FBXL18: variants seen among roughly 807,000 people sequenced by gnomAD.
The protein encoded by FBXL18 is F-box and leucine rich repeat protein 18.
FBXL18 carries 36 observed loss-of-function variants against 46.0 expected under a neutral mutation model. The ratio of observed to expected loss-of-function variants is 0.78; its 90% CI spans 0.60 to 1.03. The LOEUF is 1.03. Among genes scored for constraint, FBXL18 ranks in the 50% least tolerant of loss-of-function variants. The probability of loss-of-function intolerance (pLI) is 0.00; values close to 1 mark genes in which losing one functional copy is unlikely to be tolerated. For missense variants in FBXL18, 977 were observed against 1,004.1 expected (o/e 0.97, Z 0.36); for synonymous variants, 557 against 465.3 (o/e 1.20, Z -2.54).
chr7:5,500,779 G>A lies in FBXL18; in HGVS notation c.1490C>T (p.Ser497Phe). The A allele has an allele frequency of 6.2e-7, 1 of 1,612,642 alleles. No individual in the cohort carries two copies. Among genetic ancestry groups the A allele is most frequent in the South Asian group, 1.1e-5 (1 of 91,066 alleles). Residue 497 changes from serine (S) to phenylalanine (F), a missense_variant, in exon 3 of 5, where the codon TCC (serine) becomes TTC (phenylalanine). By Grantham distance (155) the Ser-to-Phe change is radical. Coordinates refer to ENST00000382368, the MANE Select transcript of FBXL18 (RefSeq NM_024963.6). The stretch of plus-strand genomic sequence containing the variant: ...GGCGGGCTCGTTGCGGGGCATGGCG[G>A]AGGAGAAGTTGGACCCAATCAGCTC... The part of the protein sequence containing the change: ...HLELIGSNFS[S>F]AMPRNEPAIR...
At chr7:5,463,694 C>CTCTATATATA (rs1554316167) in intron 4 of FBXL18, among the ~76,000 whole-genome samples, 1 of 61,502 alleles carries the variant, frequency 1.6e-5, no homozygotes, top group African/African-American at 8.2e-5. Flanking sequence ...TGCCCCTGAA[C>CTCTATATATA]TATATATATA....
chr7:5,509,882 C>T (rs1305181873), intron 1 of FBXL18, among the ~76,000 whole-genome samples: 4 of 151,900 alleles, frequency 2.6e-5, no homozygotes, highest in Non-Finnish European at 4.4e-5. Flanking sequence ...GGCCAGAGGA[C>T]CCTAGGAGGC....
chr7:5,496,792 G>A lies in FBXL18; in HGVS notation c.1781+3696C>T, dbSNP rs558916350. On this transcript the variant is annotated intron_variant, in intron 3 of 4. Coordinates refer to ENST00000382368, the MANE Select transcript of FBXL18 (RefSeq NM_024963.6). The surrounding 1 kb of genome is among the most constrained non-coding windows in gnomAD (Gnocchi z 4.8). ...TGTAATCCCACCACTTTGGGAGGCC[G>A]AGGTGGGCGGATCACCTGAGGTCAG... Among the ~76,000 whole-genome samples the A allele has an allele frequency of 2.3e-3, 346 of 152,262 alleles. No individual in the cohort carries two copies. Among genetic ancestry groups the A allele is most frequent in the Non-Finnish European group, 4.0e-3 (272 of 68,008 alleles).
At chr7:5,488,204 A>C (rs1783825245) in intron 4 of FBXL18, among the ~76,000 whole-genome samples, 1 of 152,236 alleles carries the variant, frequency 6.6e-6, no homozygotes, top group South Asian at 2.1e-4. Context: ...AGGAGGCCAG[A>C]GGGCAAGCTC....
chr7:5,484,231 G>A (rs990479014), intron 4 of FBXL18, among the ~76,000 whole-genome samples: 1 of 152,168 alleles, frequency 6.6e-6, no homozygotes, highest in Non-Finnish European at 1.5e-5. Context: ...ACTTTGGGAG[G>A]CCAAGGCGGG....
intron 4 of FBXL18, among the ~76,000 whole-genome samples, chr7:5,485,678 C>T (rs148410737): frequency 0.034 from 5,242 of 152,080 alleles, 115 homozygotes; most frequent in Middle Eastern, 0.054. Flanking sequence ...GAGGCCGAGG[C>T]GGGCAGATCA....
chr7:5,473,085 C>T (rs964845177), downstream of FBXL18, among the ~76,000 whole-genome samples: 6 of 152,112 alleles, frequency 3.9e-5, no homozygotes, highest in African/African-American at 7.2e-5. Flanking sequence ...CAGCACCGAC[C>T]GCTGATTTCC....
intron 4 of FBXL18, among the ~76,000 whole-genome samples, chr7:5,456,371 G>C (rs1335819815): frequency 6.6e-6 from 1 of 152,214 alleles, no homozygotes; most frequent in Non-Finnish European, 1.5e-5. Flanking sequence ...ATCAGTGGGA[G>C]GACAAACCAA....
intron 3 of FBXL18, among the ~76,000 whole-genome samples, chr7:5,494,416 A>G (rs1481318356): frequency 6.6e-6 from 1 of 152,222 alleles, no homozygotes; most frequent in Middle Eastern, 3.2e-3. Flanking sequence ...TAGGTGACAG[A>G]GCGAGACTCT....
intron 4 of FBXL18, chr7:5,490,241 C>T (rs1314165074): frequency 1.5e-6 from 2 of 1,307,978 alleles, no homozygotes; most frequent in East Asian, 4.8e-5. Context: ...TCAGGGCGTT[C>T]ATGTCCTGCT....
chr7:5,466,996 C>T (rs1274433968), intron 4 of FBXL18, among the ~76,000 whole-genome samples: 2 of 152,204 alleles, frequency 1.3e-5, no homozygotes, highest in African/African-American at 4.8e-5. Context: ...GCAGGCGGAT[C>T]ACCTGACGTC....
chr7:5,488,853 C>T (rs944873938), intron 4 of FBXL18, among the ~76,000 whole-genome samples: 2 of 152,220 alleles, frequency 1.3e-5, no homozygotes, highest in Non-Finnish European at 2.9e-5. Flanking sequence ...GAGCACAGTG[C>T]ACCCCTTCCC....
At position 5,502,044 on chromosome 7, in the gene FBXL18, G is replaced by A. The variant is rs896234733; in HGVS notation, c.238-13C>T. ...TGTCCTCGCTCGCCTGCGGGACAGAGGCAGGGTGGGGAGAGGAAGGAAAGG... is the reference window on the plus strand; with the variant it reads ...TGTCCTCGCTCGCCTGCGGGACAGAAGCAGGGTGGGGAGAGGAAGGAAAGG... On this transcript the variant is annotated splice_polypyrimidine_tract_variant and intron_variant, in intron 2 of 4. Coordinates refer to ENST00000382368, the MANE Select transcript of FBXL18 (RefSeq NM_024963.6). 8 of 1,551,444 alleles carry A rather than the reference G, an allele frequency of 5.2e-6. No individual in the cohort carries two copies. Among genetic ancestry groups the A allele is most frequent in the Admixed American group, 1.9e-5 (1 of 53,348 alleles).
chr7:5,469,014 G>A (rs1025220640), intron 4 of FBXL18, among the ~76,000 whole-genome samples: 5 of 152,126 alleles, frequency 3.3e-5, no homozygotes, highest in Non-Finnish European at 5.9e-5. Context: ...TGTGGTGTGC[G>A]GGTGTGATGA....
intron 4 of FBXL18, among the ~76,000 whole-genome samples, chr7:5,484,087 C>T (rs909753305): frequency 3.9e-5 from 6 of 152,178 alleles, no homozygotes; most frequent in South Asian, 2.1e-4. Context: ...ATGTGGCAGA[C>T]GCATCCTGGC....
In FBXL18 at chr7:5,501,346, A is replaced by G; in HGVS notation, c.923T>C (p.Leu308Pro). Residue 308 changes from leucine to proline, a missense_variant, in exon 3 of 5, where the codon CTG (leucine) becomes CCG (proline). By Grantham distance (98) the Leu-to-Pro change is moderately conservative (BLOSUM62 -3). Coordinates refer to ENST00000382368, the MANE Select transcript of FBXL18 (RefSeq NM_024963.6). ...PKSWLNGSSL[L>P]QHMKFNNPFY... ...CGGGTTGTTGAATTTCATGTGCTGC[A>G]GGAGGGAAGAGCCGTTCAGCCAGGA... is the stretch of plus-strand genomic sequence containing the variant. 6.2e-7 allele frequency: 1 copy of G among 1,614,040 alleles called. No homozygotes were observed. Among genetic ancestry groups the G allele is most frequent in the South Asian group, 1.1e-5 (1 of 91,084 alleles).
At chr7:5,466,794 G>A (rs1783347073) in intron 4 of FBXL18, among the ~76,000 whole-genome samples, 3 of 152,144 alleles carry the variant, frequency 2.0e-5, no homozygotes, top group East Asian at 1.9e-4. Flanking sequence ...CGGGACTCCT[G>A]GGGGTGACAA....
rs1010897156 is a variant in FBXL18 at position 5,477,517 on chromosome 7, A to G, written c.*4258T>C. Among the ~76,000 whole-genome samples the G allele has an allele frequency of 6.6e-6, 1 of 152,130 alleles. No homozygotes were observed. The highest frequency in any genetic ancestry group is 1.5e-5 in the Non-Finnish European group (1 of 68,026). ...CAGGAGTTCAAGGCCAGCCTGACCA[A>G]CATGGTGCAACCCCATCTCTGCAAA... On this transcript the variant is annotated 3_prime_UTR_variant, in exon 5 of 5. Transcript: ENST00000382368. The surrounding 1 kb of genome is among the most constrained non-coding windows in gnomAD (Gnocchi z 4.4).
chr7:5,481,880 G>C lies in FBXL18; in HGVS notation c.2052C>G (p.His684Gln). 1 of 1,613,660 alleles carries C rather than the reference G, an allele frequency of 6.2e-7. No homozygotes were observed. Among genetic ancestry groups the C allele is most frequent in the Non-Finnish European group, 8.5e-7 (1 of 1,179,874 alleles). ...ALNVVIFPLL[H>Q]EGLTDVIRDV... ...CCCGGATGACGTCGGTCAGGCCCTC[G>C]TGGAGCAGAGGGAAGATGACGACGT... The change falls in exon 5 of 5, where the codon CAC (histidine) becomes CAG (glutamine). Residue 684 changes from histidine (H) to glutamine (Q), a missense_variant. His to Gln is a conservative substitution (Grantham distance 24). Coordinates refer to ENST00000382368, the MANE Select transcript of FBXL18 (RefSeq NM_024963.6).
Sources: gnomAD v4.1 joint callset for allele counts (sites outside exome capture counted in the v4.1 genomes callset) on GRCh38, gnomAD v4.1.1 for gene constraint, Gnocchi (gnomAD v3.1) non-coding constraint, MANE v1.5 for transcripts, NCBI Gene and HGNC (gene_info 2026-07-23, HGNC 2026-07-21) for gene names.